The following CFAP263 variants were observed in gnomAD, a reference collection of about 807,000 sequenced individuals.
CFAP263 encodes the protein cilia- and flagella-associated protein 263.
chr16:58,259,425 G>C, the CFAP263 span, among the ~76,000 whole-genome samples: 4 of 152,130 alleles, frequency 2.6e-5, no homozygotes, highest in Non-Finnish European at 5.9e-5. Flanking sequence ...GGAGAATTTG[G>C]GGGGTAACCT....
the CFAP263 span, among the ~76,000 whole-genome samples, chr16:58,260,394 G>A: frequency 6.6e-6 from 1 of 152,168 alleles, no homozygotes; most frequent in Non-Finnish European, 1.5e-5. Context: ...CTCCAGAACT[G>A]TAAGATAATA....
chr16:58,279,549 C>G, the CFAP263 span: 1 of 648,586 alleles, frequency 1.5e-6, no homozygotes, highest in African/African-American at 1.8e-5. Context: ...GGAGGACACG[C>G]TGCCCCACAC....
At chr16:58,272,137 C>T in the CFAP263 span, among the ~76,000 whole-genome samples, 1 of 151,680 alleles carries the variant, frequency 6.6e-6, no homozygotes, top group East Asian at 1.9e-4. Context: ...GCCTCAGCCT[C>T]TCCGAGTAGC....
At chr16:58,281,042 C>A in the CFAP263 span, 2 of 381,822 alleles carry the variant, frequency 5.2e-6, no homozygotes, top group Non-Finnish European at 9.4e-6. Context: ...TTTGGCCAAA[C>A]CTTCCCTCTC....
At chr16:58,277,725 C>T in the CFAP263 span, among the ~76,000 whole-genome samples, 5 of 152,142 alleles carry the variant, frequency 3.3e-5, no homozygotes, top group African/African-American at 9.7e-5. Flanking sequence ...ATTCATACAA[C>T]GGAAAATCAT....
the CFAP263 span, chr16:58,260,020 T>C: frequency 1.3e-6 from 1 of 748,276 alleles, no homozygotes; most frequent in African/African-American, 1.8e-5. Context: ...CACCCCAAAA[T>C]ATCCATATCC....
the CFAP263 span, among the ~76,000 whole-genome samples, chr16:58,277,507 A>G: frequency 6.6e-6 from 1 of 152,230 alleles, no homozygotes; most frequent in Non-Finnish European, 1.5e-5. Context: ...AAATATTTAA[A>G]AGACAAGGAT....
At chr16:58,260,438 T>C in the CFAP263 span, among the ~76,000 whole-genome samples, 1 of 152,176 alleles carries the variant, frequency 6.6e-6, no homozygotes, top group Non-Finnish European at 1.5e-5. Context: ...TTGTGGTGAT[T>C]TGTTACAGGA....
the CFAP263 span, chr16:58,281,716 T>C: frequency 6.6e-6 from 1 of 152,292 alleles, no homozygotes; most frequent in Non-Finnish European, 1.5e-5. Context: ...GACTGAGACA[T>C]GGAATGGGGC....
chr16:58,250,906 G>C, the CFAP263 span, among the ~76,000 whole-genome samples: 2 of 152,092 alleles, frequency 1.3e-5, no homozygotes, highest in Non-Finnish European at 2.9e-5. Flanking sequence ...AGAATGGCCC[G>C]ATAGTCTGCG....
chr16:58,256,639 A>T, the CFAP263 span, among the ~76,000 whole-genome samples: 80 of 152,288 alleles, frequency 5.3e-4, no homozygotes, highest in African/African-American at 1.9e-3. Flanking sequence ...GACCCCACTG[A>T]GGATACTTGA....
the CFAP263 span, chr16:58,280,873 A>T: frequency 1.1e-6 from 1 of 927,626 alleles, no homozygotes; most frequent in East Asian, 2.6e-5. Flanking sequence ...CTCACTGGAA[A>T]TGGGGCAAAT....
At chr16:58,259,150 A>G in the CFAP263 span, among the ~76,000 whole-genome samples, 1 of 152,308 alleles carries the variant, frequency 6.6e-6, no homozygotes, top group Non-Finnish European at 1.5e-5. Flanking sequence ...TGAGAAAGGT[A>G]TGAGACTGGT....
the CFAP263 span, chr16:58,262,306 C>T: frequency 7.4e-7 from 1 of 1,343,250 alleles, no homozygotes; most frequent in South Asian, 1.4e-5. Context: ...AAAGTCTTGT[C>T]AAGAGTTGCA....
At chr16:58,280,062 G>A in the CFAP263 span, 1 of 705,736 alleles carries the variant, frequency 1.4e-6, no homozygotes, top group African/African-American at 1.8e-5. Context: ...CCCACACCTG[G>A]GAGAGGGATA....
the CFAP263 span, chr16:58,249,950 G>A: frequency 5.4e-6 from 6 of 1,103,170 alleles, 1 homozygote; most frequent in South Asian, 4.0e-5. Context: ...CCGGAGTGAC[G>A]CGTGGCCGCC....
the CFAP263 span, among the ~76,000 whole-genome samples, chr16:58,275,508 C>T: frequency 3.3e-5 from 5 of 151,950 alleles, no homozygotes; most frequent in African/African-American, 4.8e-5. Flanking sequence ...AAGAGTATCC[C>T]CAAATTCTGA....
the CFAP263 span, chr16:58,254,181 G>T: frequency 3.1e-6 from 5 of 1,613,644 alleles, no homozygotes; most frequent in Non-Finnish European, 4.2e-6. Context: ...TGCCAGCGCA[G>T]CCTGTCCTGC....
the CFAP263 span, among the ~76,000 whole-genome samples, chr16:58,253,710 C>G: frequency 6.6e-6 from 1 of 152,208 alleles, no homozygotes; most frequent in African/African-American, 2.4e-5. Context: ...GAATGCTAGT[C>G]TATAGCAGGT....
Sources: gnomAD v4.1 joint callset for allele counts (sites outside exome capture counted in the v4.1 genomes callset) on GRCh38, gnomAD v4.1.1 for gene constraint, MANE v1.5 for transcripts, NCBI Gene and HGNC (gene_info 2026-07-23, HGNC 2026-07-21) for gene names.